The following MDGA2 variants were observed in gnomAD, a reference collection of about 807,000 sequenced individuals.
The protein encoded by MDGA2 is MAM domain containing glycosylphosphatidylinositol anchor 2, also known as MAM domain-containing glycosylphosphatidylinositol anchor protein 2.
In MDGA2, 40 loss-of-function variants were observed where a neutral mutation model predicts 117.8. The ratio of observed to expected loss-of-function variants is 0.34; its 90% CI spans 0.26 to 0.44. MDGA2 has a LOEUF of 0.44. Among genes scored for constraint, MDGA2 ranks in the 20% least tolerant of loss-of-function variants. The pLI, the probability that MDGA2 is intolerant of heterozygous loss-of-function variation, is 1.00. For missense variants in MDGA2, 1,123 were observed against 1,250.6 expected, an observed-to-expected ratio of 0.90 and a Z score of 1.54; for synonymous variants, 452 against 439.0, an observed-to-expected ratio of 1.03 and a Z score of -0.37.
intron 8 of MDGA2, among the ~76,000 whole-genome samples, chr14:46,988,108 C>T (rs1359800487): frequency 6.6e-6 from 1 of 151,618 alleles, no homozygotes; most frequent in Admixed American, 6.6e-5. Context: ...TAGGATGGTA[C>T]TAGCTAGCAG....
chr14:47,246,914 G>A (rs67653715), intron 2 of MDGA2, among the ~76,000 whole-genome samples: 35,281 of 151,110 alleles, frequency 0.23, 5,483 homozygotes, highest in East Asian at 0.45. Context: ...CCTTGGTTTG[G>A]AGAATAGGAA....
chr14:46,894,509 T>C (rs1387837423), intron 10 of MDGA2, among the ~76,000 whole-genome samples: 3 of 152,136 alleles, frequency 2.0e-5, no homozygotes, highest in Non-Finnish European at 4.4e-5. Context: ...AGCTTTTATC[T>C]TTAGGACAAG....
In MDGA2 at chr14:47,214,366, C is replaced by G. The variant is rs944025254; in HGVS notation, c.595+3655G>C. ...CTACCAGCCTATAAACATATTTTAT[C>G]AATAAATTATGTTTCCTAAAACTCT... On this transcript the variant is annotated intron_variant, in intron 3 of 16. Transcript: ENST00000399232. Among the ~76,000 whole-genome samples the G allele has an allele frequency of 7.2e-5, 11 of 152,184 alleles. No homozygotes were observed. In the East Asian group the frequency reaches 1.9e-3, roughly 27 times the overall value.
chr14:47,173,617 C>T (rs1566664367), intron 3 of MDGA2, among the ~76,000 whole-genome samples: 1 of 152,182 alleles, frequency 6.6e-6, no homozygotes, highest in Middle Eastern at 3.4e-3. Flanking sequence ...TTTGTCACCA[C>T]CAGGCCTGCC....
chr14:47,484,258 T>G (rs1020800760), intron 1 of MDGA2, among the ~76,000 whole-genome samples: 3 of 152,246 alleles, frequency 2.0e-5, no homozygotes, highest in African/African-American at 4.8e-5. Context: ...CACATATATA[T>G]GTAGGAATTA....
At chr14:47,242,299 C>T (rs962396953) in intron 2 of MDGA2, among the ~76,000 whole-genome samples, 3 of 151,972 alleles carry the variant, frequency 2.0e-5, no homozygotes, top group African/African-American at 4.8e-5. Flanking sequence ...TCAGAGCCCT[C>T]GCTTGCTCTC....
intron 7 of MDGA2, among the ~76,000 whole-genome samples, chr14:47,046,387 G>T (rs1423525512): frequency 6.6e-6 from 1 of 151,572 alleles, no homozygotes; most frequent in East Asian, 2.0e-4. Flanking sequence ...TCACTCATAG[G>T]TGGGAATTAA....
At chr14:47,465,252 C>T (rs931776354) in intron 1 of MDGA2, among the ~76,000 whole-genome samples, 1 of 152,084 alleles carries the variant, frequency 6.6e-6, no homozygotes, top group African/African-American at 2.4e-5. Flanking sequence ...TAGGCAATAC[C>T]ATCCTAGAGA....
intron 2 of MDGA2, among the ~76,000 whole-genome samples, chr14:47,293,652 C>A (rs1400619240): frequency 6.6e-6 from 1 of 152,142 alleles, no homozygotes; most frequent in Non-Finnish European, 1.5e-5. Context: ...TTGTGCTTGG[C>A]ACTCTGTTAA....
At chr14:47,131,399 T>C (rs1405623848) in intron 5 of MDGA2, among the ~76,000 whole-genome samples, 2 of 152,006 alleles carry the variant, frequency 1.3e-5, no homozygotes, top group Non-Finnish European at 2.9e-5. Context: ...CGAATTTTTA[T>C]ATGTAGAATC....
chr14:47,280,585 G>C (rs1289583404), intron 2 of MDGA2, among the ~76,000 whole-genome samples: 1 of 151,962 alleles, frequency 6.6e-6, no homozygotes, highest in Non-Finnish European at 1.5e-5. Context: ...GGAGATTTGT[G>C]GAGAGCTCTA....
intron 3 of MDGA2, among the ~76,000 whole-genome samples, chr14:47,144,669 A>G (rs921014660): frequency 1.3e-5 from 2 of 151,990 alleles, no homozygotes; most frequent in African/African-American, 4.8e-5. Context: ...CTTTTTTTAA[A>G]ACAGAGTCTT....
intron 1 of MDGA2, among the ~76,000 whole-genome samples, chr14:47,442,325 C>T (rs1893029518): frequency 6.6e-6 from 1 of 152,096 alleles, no homozygotes; most frequent in African/African-American, 2.4e-5. Flanking sequence ...CTTCTCTGAT[C>T]ATCTGAAGAG....
chr14:46,901,962 T>G (rs1365864801), intron 10 of MDGA2, among the ~76,000 whole-genome samples: 2 of 152,200 alleles, frequency 1.3e-5, no homozygotes, highest in Non-Finnish European at 2.9e-5. Context: ...TTTTAAGCAA[T>G]TACTTCATAA....
chr14:47,334,460 C>T (rs953551117), intron 1 of MDGA2, among the ~76,000 whole-genome samples: 5 of 151,900 alleles, frequency 3.3e-5, no homozygotes, highest in South Asian at 2.1e-4. Flanking sequence ...ACTGAACCTC[C>T]GGAAGCATCA....
chr14:47,485,606 A>G (rs1403682144), intron 1 of MDGA2, among the ~76,000 whole-genome samples: 1 of 152,180 alleles, frequency 6.6e-6, no homozygotes, highest in African/African-American at 2.4e-5. Context: ...AGGTCTTCAC[A>G]GCAGCCCCTC....
chr14:47,100,635 G>A (rs2138997283), intron 5 of MDGA2, among the ~76,000 whole-genome samples: 1 of 152,106 alleles, frequency 6.6e-6, no homozygotes, highest in Non-Finnish European at 1.5e-5. Context: ...CATGAAAACT[G>A]AAATGGGATA....
intron 14 of MDGA2, chr14:46,872,045 A>T (rs934830383): frequency 5.7e-6 from 1 of 174,136 alleles, no homozygotes; most frequent in Non-Finnish European, 1.3e-5. Flanking sequence ...TTGTCAGTAT[A>T]CTGTGAAGAA....
In MDGA2 at chr14:46,895,718, C is replaced by A. The variant is rs907712303; in HGVS notation, c.2239-13497G>T. ...CTCCAGCCTGGGCGACAGAGCAAGA[C>A]CCTGTCTCAAAAAGAAAAAAAAAAA... On this transcript the variant is annotated intron_variant, in intron 10 of 16. Coordinates refer to ENST00000399232, the MANE Select transcript of MDGA2 (RefSeq NM_001113498.3). Among the ~76,000 whole-genome samples, 15 of 151,582 alleles carry A rather than the reference C, an allele frequency of 9.9e-5. 1 individual carries two copies. Among genetic ancestry groups the A allele is most frequent in the Admixed American group, 9.9e-4 (15 of 15,218 alleles).
Sources: allele counts gnomAD v4.1 joint callset (sites outside exome capture counted in the v4.1 genomes callset), GRCh38; gene constraint gnomAD v4.1.1; transcripts MANE v1.5; gene names NCBI Gene and HGNC (gene_info 2026-07-23, HGNC 2026-07-21).